NCKAP5: variants seen among roughly 807,000 people sequenced by gnomAD.
The protein encoded by NCKAP5 is NCK associated protein 5, also known as nck-associated protein 5.
Under a neutral mutation model 167.0 loss-of-function variants are expected in NCKAP5, and 92 were observed. The ratio of observed to expected loss-of-function variants is 0.55; its 90% CI spans 0.47 to 0.66. The LOEUF is 0.66. Ranked by LOEUF, NCKAP5 falls within the 30% of genes least tolerant of loss-of-function variation. NCKAP5 has a pLI of 0.00. For missense variants in NCKAP5, 2,378 were observed against 2,315.0 expected, an observed-to-expected ratio of 1.03 and a Z score of -0.56; for synonymous variants, 891 against 877.4, an observed-to-expected ratio of 1.02 and a Z score of -0.27.
intron 16 of NCKAP5, among the ~76,000 whole-genome samples, chr2:132,771,747 A>T (rs1682075117): frequency 6.7e-6 from 1 of 149,870 alleles, no homozygotes; most frequent in Non-Finnish European, 1.5e-5. Flanking sequence ...ATCTCGGCTC[A>T]CTGCAATCTC....
At chr2:133,047,470 G>T (rs2079442181) in intron 6 of NCKAP5, among the ~76,000 whole-genome samples, 1 of 152,176 alleles carries the variant, frequency 6.6e-6, no homozygotes, top group Non-Finnish European at 1.5e-5. Context: ...AAACATGCTG[G>T]ACTATGAACT....
the NCKAP5 span, among the ~76,000 whole-genome samples, chr2:133,671,107 C>G: frequency 6.8e-6 from 1 of 146,574 alleles, no homozygotes; most frequent in African/African-American, 2.5e-5. Flanking sequence ...CCCAGCTACT[C>G]GGGAGGCTGA....
At chr2:133,408,475 T>C (rs959409939) in intron 3 of NCKAP5, among the ~76,000 whole-genome samples, 2 of 152,080 alleles carry the variant, frequency 1.3e-5, no homozygotes, top group Non-Finnish European at 2.9e-5. Context: ...TCTACATTGC[T>C]GACTCACCCC....
chr2:132,764,764 C>A (rs953245401), intron 16 of NCKAP5, among the ~76,000 whole-genome samples: 1 of 152,224 alleles, frequency 6.6e-6, no homozygotes, highest in African/African-American at 2.4e-5. Flanking sequence ...TACAATTAAG[C>A]CTAAATGTGT....
chr2:133,112,308 AC>A (rs2081942531), intron 6 of NCKAP5, among the ~76,000 whole-genome samples: 1 of 152,126 alleles, frequency 6.6e-6, no homozygotes, highest in African/African-American at 2.4e-5. Flanking sequence ...CCCCGTCTCT[AC>A]TAAAAATACG....
At chr2:132,833,622 C>A (rs1045405825) in intron 11 of NCKAP5, among the ~76,000 whole-genome samples, 4 of 152,136 alleles carry the variant, frequency 2.6e-5, no homozygotes, top group Non-Finnish European at 2.9e-5. Flanking sequence ...AAAGAGTGTT[C>A]TTTATCCAAT....
the NCKAP5 span, among the ~76,000 whole-genome samples, chr2:133,614,943 C>G: frequency 6.6e-6 from 1 of 152,174 alleles, no homozygotes. Context: ...AGACTAACAG[C>G]GGATCTCTCA....
At chr2:133,165,781 C>CTT (rs1206616280) in intron 5 of NCKAP5, among the ~76,000 whole-genome samples, 1 of 152,146 alleles carries the variant, frequency 6.6e-6, no homozygotes, top group Non-Finnish European at 1.5e-5. Context: ...TATTTGGCCC[C>CTT]TTAGATCCCC....
chr2:133,387,487 T>C (rs1053635223), intron 3 of NCKAP5, among the ~76,000 whole-genome samples: 4 of 152,244 alleles, frequency 2.6e-5, no homozygotes, highest in African/African-American at 9.6e-5. Flanking sequence ...CATTTTTTCC[T>C]TCCTTTCAAC....
chr2:133,487,417 G>A (rs947635847), intron 3 of NCKAP5, among the ~76,000 whole-genome samples: 15 of 152,270 alleles, frequency 9.9e-5, no homozygotes, highest in African/African-American at 3.6e-4. Flanking sequence ...AGTCAAGAAT[G>A]TTGTTGGCTC....
the NCKAP5 span, among the ~76,000 whole-genome samples, chr2:133,643,004 C>CT: frequency 2.9e-4 from 43 of 146,352 alleles, no homozygotes; most frequent in Middle Eastern, 3.6e-3. Context: ...TTTCATCTTT[C>CT]TTTTTTTTTT....
intron 5 of NCKAP5, among the ~76,000 whole-genome samples, chr2:133,190,845 C>G (rs2085185058): frequency 6.6e-6 from 1 of 152,128 alleles, no homozygotes; most frequent in African/African-American, 2.4e-5. Context: ...CAATACCATT[C>G]AGGACATAGG....
At chr2:133,056,592 T>C (rs936839458) in intron 6 of NCKAP5, among the ~76,000 whole-genome samples, 1 of 152,336 alleles carries the variant, frequency 6.6e-6, no homozygotes, top group Middle Eastern at 3.4e-3. Flanking sequence ...GATGCAGGAC[T>C]GTGCTAAATA....
At chr2:133,122,422 G>A (rs1035053688) in intron 6 of NCKAP5, 2 of 152,022 alleles carry the variant, frequency 1.3e-5, no homozygotes, top group African/African-American at 2.4e-5. Context: ...TTTTATTGAT[G>A]GCTCTTTCTT....
intron 5 of NCKAP5, among the ~76,000 whole-genome samples, chr2:133,211,839 G>A (rs1574396063): frequency 6.6e-6 from 1 of 152,172 alleles, no homozygotes; most frequent in East Asian, 1.9e-4. Flanking sequence ...CCTTGTGCCT[G>A]TGTTTTCTGG....
the NCKAP5 span, among the ~76,000 whole-genome samples, chr2:133,589,383 C>A: frequency 2.0e-5 from 3 of 152,218 alleles, no homozygotes; most frequent in East Asian, 1.9e-4. Context: ...GAAGGGGGAG[C>A]CTGCAGGAGA....
At chr2:133,575,646 G>T in the NCKAP5 span, among the ~76,000 whole-genome samples, 1 of 152,202 alleles carries the variant, frequency 6.6e-6, no homozygotes, top group Non-Finnish European at 1.5e-5. Flanking sequence ...CATTTGAAAT[G>T]AAGTCTTAGG....
intron 5 of NCKAP5, among the ~76,000 whole-genome samples, chr2:133,194,189 G>T (rs1165696699): frequency 6.6e-6 from 1 of 151,996 alleles, no homozygotes; most frequent in Non-Finnish European, 1.5e-5. Context: ...GGTGGCACTA[G>T]CTCTCTTTGA....
At chr2:132,733,081 T>G (rs982310186) in intron 16 of NCKAP5, among the ~76,000 whole-genome samples, 8 of 152,340 alleles carry the variant, frequency 5.3e-5, no homozygotes, top group Admixed American at 5.2e-4. Context: ...GTCTGTTAAT[T>G]GTGTGTCAGC....
Sources: allele counts gnomAD v4.1 joint callset (sites outside exome capture counted in the v4.1 genomes callset), GRCh38; gene constraint gnomAD v4.1.1; transcripts MANE v1.5; gene names NCBI Gene and HGNC (gene_info 2026-07-23, HGNC 2026-07-21).